The following KCNH1 variants were observed in gnomAD, a reference collection of about 807,000 sequenced individuals.
The protein encoded by KCNH1 is voltage-gated delayed rectifier potassium channel KCNH1.
In KCNH1, 27 loss-of-function variants were observed where a neutral mutation model predicts 69.2. The ratio of observed to expected loss-of-function variants is 0.39; its 90% CI spans 0.29 to 0.54. KCNH1 has a LOEUF of 0.54. Among genes scored for constraint, KCNH1 ranks in the 20% least tolerant of loss-of-function variants. KCNH1 has a pLI of 0.68. For missense variants in KCNH1, 798 were observed against 1,261.6 expected (o/e 0.63, Z 5.57); for synonymous variants, 456 against 487.7 (o/e 0.93, Z 0.86).
chr1:210,848,470 G>A (rs1284932859), intron 7 of KCNH1, among the ~76,000 whole-genome samples: 1 of 152,204 alleles, frequency 6.6e-6, no homozygotes, highest in Non-Finnish European at 1.5e-5. Context: ...ATTAGTGCAA[G>A]AGTGGACTCT....
intron 7 of KCNH1, among the ~76,000 whole-genome samples, chr1:210,839,801 T>C (rs944250165): frequency 6.6e-5 from 10 of 152,196 alleles, no homozygotes; most frequent in Non-Finnish European, 1.5e-4. Flanking sequence ...ACTCAAAAGA[T>C]AGACTTTTAA....
intron 6 of KCNH1, among the ~76,000 whole-genome samples, chr1:210,934,320 A>G (rs1486467307): frequency 6.6e-6 from 1 of 152,230 alleles, no homozygotes. Flanking sequence ...TAGAATATAC[A>G]AGGAACTCAA....
chr1:210,890,423 C>A (rs1686719546), intron 7 of KCNH1, among the ~76,000 whole-genome samples: 1 of 152,110 alleles, frequency 6.6e-6, no homozygotes, highest in Non-Finnish European at 1.5e-5. Context: ...AAATGTAAGA[C>A]CTAAAACCAT....
At chr1:210,845,153 A>G (rs1289842649) in intron 7 of KCNH1, among the ~76,000 whole-genome samples, 1 of 152,168 alleles carries the variant, frequency 6.6e-6, no homozygotes, top group Non-Finnish European at 1.5e-5. Flanking sequence ...TGAGGTACAA[A>G]GAGGAGCTGG....
chr1:211,106,762 T>C (rs1691355590), intron 2 of KCNH1, among the ~76,000 whole-genome samples: 1 of 152,114 alleles, frequency 6.6e-6, no homozygotes, highest in Non-Finnish European at 1.5e-5. Context: ...GTCACTGTAC[T>C]CCAGTCTGGG....
At chr1:210,844,887 A>G (rs1193972587) in intron 7 of KCNH1, among the ~76,000 whole-genome samples, 3 of 152,252 alleles carry the variant, frequency 2.0e-5, no homozygotes, top group Non-Finnish European at 2.9e-5. Flanking sequence ...AAAAAATGAT[A>G]AAGGGGATAT....
chr1:210,770,500 A>G (rs1421597411), intron 10 of KCNH1, among the ~76,000 whole-genome samples: 1 of 152,276 alleles, frequency 6.6e-6, no homozygotes, highest in Non-Finnish European at 1.5e-5. Context: ...TCAAATCAGT[A>G]TTCAAACATA....
intron 6 of KCNH1, among the ~76,000 whole-genome samples, chr1:210,934,634 G>A (rs576759192): frequency 7.3e-5 from 11 of 150,674 alleles, no homozygotes; most frequent in Admixed American, 2.0e-4. Context: ...GCAAGACTCC[G>A]TCTCAAAAAA....
intron 6 of KCNH1, among the ~76,000 whole-genome samples, chr1:210,934,588 G>A (rs1434053596): frequency 1.3e-5 from 2 of 151,778 alleles, no homozygotes; most frequent in African/African-American, 2.4e-5. Flanking sequence ...GCAGTGAGCC[G>A]AAAGCGTGCC....
At chr1:210,933,910 A>T (rs1055091175) in intron 6 of KCNH1, among the ~76,000 whole-genome samples, 14 of 152,224 alleles carry the variant, frequency 9.2e-5, no homozygotes, top group African/African-American at 3.4e-4. Context: ...TTTTCAAAAA[A>T]GGTCCCAAGG....
intron 10 of KCNH1, among the ~76,000 whole-genome samples, chr1:210,722,072 A>C (rs891343179): frequency 1.3e-5 from 2 of 152,218 alleles, no homozygotes; most frequent in African/African-American, 4.8e-5. Flanking sequence ...TACTGAAAGC[A>C]GGCCAACGAC....
At chr1:210,978,262 T>C (rs1688651103) in intron 6 of KCNH1, among the ~76,000 whole-genome samples, 1 of 152,144 alleles carries the variant, frequency 6.6e-6, no homozygotes, top group African/African-American at 2.4e-5. Context: ...ATGGTCTCTA[T>C]TTCCTGACCT....
intron 10 of KCNH1, among the ~76,000 whole-genome samples, chr1:210,719,864 G>A (rs1682410768): frequency 6.6e-6 from 1 of 152,182 alleles, no homozygotes; most frequent in Non-Finnish European, 1.5e-5. Context: ...GTACAAGGTG[G>A]TGTGAGGATC....
intron 5 of KCNH1, among the ~76,000 whole-genome samples, chr1:211,032,193 A>C (rs928740884): frequency 3.3e-5 from 5 of 152,318 alleles, no homozygotes; most frequent in East Asian, 1.9e-4. Context: ...ACCTAGGAAT[A>C]CAACTTACAA....
intron 5 of KCNH1, among the ~76,000 whole-genome samples, chr1:211,068,998 G>GA (rs1311656565): frequency 5.3e-5 from 8 of 152,228 alleles, no homozygotes; most frequent in Admixed American, 5.2e-4. Context: ...GAAGACGGAA[G>GA]AAAAATCCCC....
At chr1:210,995,292 T>C (rs1501548) in intron 6 of KCNH1, among the ~76,000 whole-genome samples, 36,145 of 152,124 alleles carry the variant, frequency 0.24, 5,885 homozygotes, top group African/African-American at 0.45. Flanking sequence ...ACTTGATGAC[T>C]AGAACTGGAG....
Position 210,757,917 on chromosome 1 carries a change from C to A in KCNH1, c.2112+17431G>T, listed in dbSNP as rs149371267. 1.7e-4 allele frequency among the ~76,000 whole-genome samples: 26 copies of A among 152,384 alleles called. No individual in the cohort carries two copies. The East Asian group carries it at 4.2e-3, about 25-fold the overall frequency. ...CTGCTCTAATGGAATTACTGAAGAG[C>A]TACACAGGGCATGCTGCAGTCTCCA... is the stretch of plus-strand genomic sequence containing the variant. On this transcript the variant is annotated intron_variant, in intron 10 of 10. Coordinates refer to ENST00000271751, the MANE Select transcript of KCNH1 (RefSeq NM_172362.3).
Position 210,718,477 on chromosome 1 carries a change from AATAT to A in KCNH1, c.2113-34343_2113-34340del, listed in dbSNP as rs1353354167. Among the ~76,000 whole-genome samples the A allele has an allele frequency of 2.1e-4, 12 of 58,516 alleles. 1 individual carries two copies. In the East Asian group the frequency reaches 4.9e-3, roughly 24 times the overall value. The allele number at this position is 58,516 out of a possible 152,430, so 38.4% of individuals were successfully genotyped here. ...TATATACATATATGTATATATATAA[AATAT>A]ATACATATATGTATATATATAAAAT... is the stretch of plus-strand genomic sequence containing the variant. On this transcript the variant is annotated intron_variant, in intron 10 of 10. Transcript: ENST00000271751.
chr1:210,977,552 G>T (rs2102374004), intron 6 of KCNH1, among the ~76,000 whole-genome samples: 1 of 151,954 alleles, frequency 6.6e-6, no homozygotes, highest in East Asian at 1.9e-4. Flanking sequence ...CTACTATTTT[G>T]AATTTCTTAA....
Sources: gnomAD v4.1 joint callset for allele counts (sites outside exome capture counted in the v4.1 genomes callset) on GRCh38, gnomAD v4.1.1 for gene constraint, MANE v1.5 for transcripts, NCBI Gene and HGNC (gene_info 2026-07-23, HGNC 2026-07-21) for gene names.